Variants in SFMBT1 observed in about 807,000 individuals in gnomAD.
The protein encoded by SFMBT1 is scm-like with four MBT domains protein 1.
SFMBT1 carries 32 observed loss-of-function variants against 108.7 expected under a neutral mutation model. That is an observed-to-expected ratio of 0.29 (90% CI 0.22 to 0.40). The LOEUF (loss-of-function observed/expected upper bound fraction) is 0.40, where lower values mean the gene tolerates loss of function less well. Among genes scored for constraint, SFMBT1 ranks in the 10% least tolerant of loss-of-function variants. SFMBT1 has a pLI of 1.00. For synonymous variants in SFMBT1, 348 were observed against 369.5 expected, an observed-to-expected ratio of 0.94 and a Z score of 0.67; for missense variants, 816 against 1,059.6, an observed-to-expected ratio of 0.77 and a Z score of 3.19.
At position 52,994,607 on chromosome 3, in the gene SFMBT1, C is replaced by A. The variant is rs745711764; in HGVS notation, c.-130-25349G>T. 2.9e-4 allele frequency among the ~76,000 whole-genome samples: 44 copies of A among 150,584 alleles called. 2 individuals carry two copies. The highest frequency in any genetic ancestry group is 5.2e-4 in the Non-Finnish European group (35 of 67,152). On this transcript the variant is annotated intron_variant, in intron 1 of 20. Transcript: ENST00000394752. ...CTCCGCCTCCTGGATTCAAGCAATT[C>A]TCTGGCCTCAGCCTCCCAAGTAGCT...
intron 1 of SFMBT1, among the ~76,000 whole-genome samples, chr3:53,038,567 T>C (rs1025007787): frequency 3.3e-5 from 5 of 152,276 alleles, no homozygotes; most frequent in African/African-American, 1.2e-4. Context: ...AAAATAATAA[T>C]GGAGGAAAAT....
chr3:53,033,769 CAAA>C (rs538122738), intron 1 of SFMBT1, among the ~76,000 whole-genome samples: 1 of 107,434 alleles, frequency 9.3e-6, no homozygotes. Flanking sequence ...CCAAAAAAGA[CAAA>C]AAAAAAAAAA....
intron 16 of SFMBT1, among the ~76,000 whole-genome samples, chr3:52,912,318 T>C (rs1159283852): frequency 2.6e-5 from 4 of 152,052 alleles, no homozygotes; most frequent in Non-Finnish European, 5.9e-5. Context: ...GTAGCTGGGA[T>C]TACAGGCGTG....
At position 52,944,325 on chromosome 3, in the gene SFMBT1, T is replaced by C. The variant is rs148782973; in HGVS notation, c.124-732A>G. Among the ~76,000 whole-genome samples the C allele has an allele frequency of 3.8e-4, 58 of 152,156 alleles. No individual in the cohort carries two copies. The Middle Eastern group carries it at 0.01, about 27-fold the overall frequency. On this transcript the variant is annotated intron_variant, in intron 3 of 20. Coordinates refer to ENST00000394752, the MANE Select transcript of SFMBT1 (RefSeq NM_016329.4). The stretch of plus-strand genomic sequence containing the variant: ...ATGCATCTGAACAGGGACATGATGA[T>C]GGATTGGTAGGCAGATAGAGACAGA...
intron 1 of SFMBT1, among the ~76,000 whole-genome samples, chr3:52,988,545 G>A (rs921977351): frequency 1.3e-5 from 2 of 151,918 alleles, no homozygotes; most frequent in African/African-American, 2.4e-5. Context: ...TACCTAAGAG[G>A]CATGCTGAAC....
chr3:52,936,943 G>A (rs75397612), intron 4 of SFMBT1, among the ~76,000 whole-genome samples: 3,627 of 133,490 alleles, frequency 0.027, 169 homozygotes, highest in African/African-American at 0.097. Context: ...CCAGGTTCAC[G>A]CCATTCTCCT....
chr3:52,952,726 A>G (rs1346810377), intron 3 of SFMBT1, among the ~76,000 whole-genome samples: 1 of 152,178 alleles, frequency 6.6e-6, no homozygotes, highest in Non-Finnish European at 1.5e-5. Context: ...TGCTAATCCC[A>G]TTCATGAGAA....
At chr3:52,943,899 A>G (rs1379900626) in intron 3 of SFMBT1, among the ~76,000 whole-genome samples, 1 of 152,224 alleles carries the variant, frequency 6.6e-6, no homozygotes, top group African/African-American at 2.4e-5. Flanking sequence ...AGCTTTCAAC[A>G]CATTGTTTAC....
intron 1 of SFMBT1, among the ~76,000 whole-genome samples, chr3:53,002,223 A>C (rs1012469704): frequency 3.4e-5 from 5 of 148,678 alleles, no homozygotes; most frequent in African/African-American, 7.3e-5. Context: ...ACACGGCGAA[A>C]CCTGTCTCTA....
At chr3:52,983,154 C>CAGCA (rs1347757967) in intron 1 of SFMBT1, among the ~76,000 whole-genome samples, 1 of 152,168 alleles carries the variant, frequency 6.6e-6, no homozygotes, top group Non-Finnish European at 1.5e-5. Flanking sequence ...CACCCTAAGA[C>CAGCA]AGCAACACCA....
chr3:52,938,473 CCTCT>C (rs1261254235), intron 4 of SFMBT1, among the ~76,000 whole-genome samples: 3 of 151,864 alleles, frequency 2.0e-5, no homozygotes, highest in Non-Finnish European at 2.9e-5. Context: ...CACTTTTAGT[CCTCT>C]CTATTTTTGG....
chr3:53,011,608 G>A (rs1211486151), intron 1 of SFMBT1, among the ~76,000 whole-genome samples: 1 of 152,196 alleles, frequency 6.6e-6, no homozygotes, highest in Non-Finnish European at 1.5e-5. Context: ...TCAGAATGGT[G>A]TCAAAGGATT....
chr3:53,007,005 T>C (rs1698768739), intron 1 of SFMBT1, among the ~76,000 whole-genome samples: 1 of 152,208 alleles, frequency 6.6e-6, no homozygotes, highest in Non-Finnish European at 1.5e-5. Context: ...CTGAATTTTG[T>C]TTGCCTTTGT....
At chr3:53,021,791 TAA>T (rs1048392014) in intron 1 of SFMBT1, among the ~76,000 whole-genome samples, 17 of 151,812 alleles carry the variant, frequency 1.1e-4, no homozygotes, top group African/African-American at 3.9e-4. Context: ...CAGGGAGAAA[TAA>T]AATCATTTAC....
chr3:53,016,021 C>T (rs1293343706), intron 1 of SFMBT1, among the ~76,000 whole-genome samples: 2 of 152,074 alleles, frequency 1.3e-5, no homozygotes, highest in Non-Finnish European at 2.9e-5. Context: ...CTTATTTCAT[C>T]AAGAACAGTA....
intron 1 of SFMBT1, among the ~76,000 whole-genome samples, chr3:53,024,101 G>A (rs1447608892): frequency 1.3e-5 from 2 of 152,180 alleles, no homozygotes; most frequent in African/African-American, 4.8e-5. Flanking sequence ...CACATAGTGT[G>A]TAACACAAGT....
intron 11 of SFMBT1, 143 bp downstream of exon 11, chr3:52,921,562 G>T: frequency 1.2e-6 from 1 of 864,462 alleles, no homozygotes; most frequent in Non-Finnish European, 1.7e-6. Flanking sequence ...TAAATATTTC[G>T]CTTAGAGTCT....
rs1037111592 is a variant in SFMBT1, at chr3:52,986,895, G to A, written c.-130-17637C>T. On this transcript the variant is annotated intron_variant, in intron 1 of 20. Coordinates refer to ENST00000394752, the MANE Select transcript of SFMBT1 (RefSeq NM_016329.4). The stretch of plus-strand genomic sequence containing the variant: ...GTGGAGGTTGCAGTGAGCCGAGATC[G>A]TGCCACTGCTCTCCAGTCTGGGCGA... 4.6e-5 allele frequency among the ~76,000 whole-genome samples: 7 copies of A among 152,046 alleles called. No individual in the cohort carries two copies. The East Asian group carries it at 5.8e-4, about 13-fold the overall frequency.
intron 8 of SFMBT1, 187 bp from the exon 9 acceptor site, chr3:52,928,528 C>A (rs1197887140): frequency 4.1e-6 from 2 of 487,000 alleles, no homozygotes; most frequent in East Asian, 8.4e-5. Context: ...TTTCATGTAT[C>A]AATTCAGTTT....
Sources: allele counts gnomAD v4.1 joint callset (sites outside exome capture counted in the v4.1 genomes callset), GRCh38; gene constraint gnomAD v4.1.1; transcripts MANE v1.5; gene names NCBI Gene and HGNC (gene_info 2026-07-23, HGNC 2026-07-21).